GABRB1: variants seen among roughly 807,000 people sequenced by gnomAD.
The protein encoded by GABRB1 is gamma-aminobutyric acid type A receptor subunit beta1.
A neutral mutation model predicts 51.6 loss-of-function variants in GABRB1; 17 were observed. The ratio of observed to expected loss-of-function variants is 0.33; its 90% CI spans 0.23 to 0.49. The LOEUF (loss-of-function observed/expected upper bound fraction) is 0.49. GABRB1 is among the 20% of genes least tolerant of loss of function. GABRB1 has a pLI of 0.99. For synonymous variants in GABRB1, 247 were observed against 218.9 expected, an observed-to-expected ratio of 1.13 and a Z score of -1.14; for missense variants, 410 against 600.6, an observed-to-expected ratio of 0.68 and a Z score of 3.32.
chr4:47,051,616 C>A (rs1322961380), intron 3 of GABRB1, among the ~76,000 whole-genome samples: 2 of 152,012 alleles, frequency 1.3e-5, no homozygotes, highest in Non-Finnish European at 2.9e-5. Flanking sequence ...ACATCTGGGT[C>A]AGCATTGAGT....
chr4:47,297,620 C>T (rs2109932395), intron 4 of GABRB1, among the ~76,000 whole-genome samples: 2 of 152,262 alleles, frequency 1.3e-5, no homozygotes, highest in South Asian at 2.1e-4. Context: ...TAATCAATAG[C>T]TTACCAACCA....
chr4:47,167,873 G>A (rs1191042069), intron 4 of GABRB1, among the ~76,000 whole-genome samples: 2 of 152,110 alleles, frequency 1.3e-5, no homozygotes, highest in Admixed American at 1.3e-4. Flanking sequence ...GGATTGCTCA[G>A]CCTCCAGAAC....
At position 47,241,752 on chromosome 4, in the gene GABRB1, C is replaced by T. The variant is rs570994581; in HGVS notation, c.462-78375C>T. ...ACATTTGTTAATGTTTAACAAAGGT[C>T]TTGTTTTCTTTGATTATGCAGGGGA... On this transcript the variant is annotated intron_variant, in intron 4 of 8. Transcript: ENST00000295454. Among the ~76,000 whole-genome samples the T allele has an allele frequency of 1.2e-4, 19 of 152,188 alleles. No homozygotes were observed. The East Asian group carries it at 2.9e-3, about 23-fold the overall frequency.
At chr4:47,318,994 T>A (rs966841610) in intron 4 of GABRB1, among the ~76,000 whole-genome samples, 2 of 152,106 alleles carry the variant, frequency 1.3e-5, no homozygotes, top group Admixed American at 6.6e-5. Context: ...CTCAAGATAG[T>A]AGCCTACCAC....
At chr4:47,050,181 A>C (rs142771595) in intron 3 of GABRB1, among the ~76,000 whole-genome samples, 8 of 152,278 alleles carry the variant, frequency 5.3e-5, no homozygotes, top group Admixed American at 2.6e-4. Context: ...CTTTGCTTCA[A>C]AGGTGTTACT....
At chr4:47,364,223 T>C (rs1228962996) in intron 5 of GABRB1, among the ~76,000 whole-genome samples, 1 of 152,170 alleles carries the variant, frequency 6.6e-6, no homozygotes, top group Non-Finnish European at 1.5e-5. Context: ...GGAGATTCTC[T>C]CTCAGTTAAC....
At chr4:47,180,906 TA>T (rs950857986) in intron 4 of GABRB1, among the ~76,000 whole-genome samples, 12 of 152,032 alleles carry the variant, frequency 7.9e-5, no homozygotes, top group South Asian at 2.1e-4. Context: ...TTAACACTAA[TA>T]AAAAATGCAT....
upstream of GABRB1, among the ~76,000 whole-genome samples, chr4:47,029,812 T>A (rs920540649): frequency 2.0e-5 from 3 of 152,140 alleles, no homozygotes; most frequent in African/African-American, 7.2e-5. Context: ...CCTACTTCTC[T>A]TAAAATAGAG....
At chr4:47,087,704 G>A (rs192635635) in intron 3 of GABRB1, among the ~76,000 whole-genome samples, 240 of 152,206 alleles carry the variant, frequency 1.6e-3, no homozygotes, top group Middle Eastern at 6.8e-3. Context: ...GAAGTGTTTT[G>A]GAGAAACAGC....
At chr4:47,340,880 A>G (rs1027257897) in intron 5 of GABRB1, among the ~76,000 whole-genome samples, 1 of 152,192 alleles carries the variant, frequency 6.6e-6, no homozygotes, top group Non-Finnish European at 1.5e-5. Context: ...TAAGACAAGC[A>G]TGTCAGAGTT....
At chr4:47,322,381 C>G (rs971520781) in intron 5 of GABRB1, among the ~76,000 whole-genome samples, 2 of 152,112 alleles carry the variant, frequency 1.3e-5, no homozygotes, top group Non-Finnish European at 2.9e-5. Flanking sequence ...AGATACTTAC[C>G]TAAAACAAAG....
intron 5 of GABRB1, among the ~76,000 whole-genome samples, chr4:47,355,095 C>A (rs1395345200): frequency 6.8e-6 from 1 of 147,442 alleles, no homozygotes; most frequent in Admixed American, 7.0e-5. Flanking sequence ...AAGTGATCCT[C>A]CTGCCTCAGC....
intron 3 of GABRB1, chr4:47,043,202 T>G (rs1398407065): frequency 6.6e-6 from 1 of 152,058 alleles, no homozygotes; most frequent in Non-Finnish European, 1.5e-5. Flanking sequence ...AACTTCTGTC[T>G]TCATGTGGGG....
At chr4:47,177,631 G>A (rs1223566320) in intron 4 of GABRB1, among the ~76,000 whole-genome samples, 1 of 151,878 alleles carries the variant, frequency 6.6e-6, no homozygotes, top group Non-Finnish European at 1.5e-5. Context: ...TAGGTAACCT[G>A]GTAAAAAAGA....
intron 4 of GABRB1, among the ~76,000 whole-genome samples, chr4:47,249,480 T>A (rs1230365283): frequency 3.3e-5 from 5 of 152,132 alleles, no homozygotes; most frequent in Non-Finnish European, 7.4e-5. Context: ...GAATGTGTAT[T>A]CTGCAGTTGT....
chr4:47,222,983 GAC>G (rs537352591), intron 4 of GABRB1, among the ~76,000 whole-genome samples: 5 of 151,984 alleles, frequency 3.3e-5, no homozygotes, highest in South Asian at 2.1e-4. Context: ...AATATTAAAT[GAC>G]ACCTTGCCAT....
chr4:47,395,497 C>T lies in GABRB1; in HGVS notation c.545-7821C>T, dbSNP rs1288440207. On this transcript the variant is annotated intron_variant, in intron 5 of 8. Coordinates refer to ENST00000295454, the MANE Select transcript of GABRB1 (RefSeq NM_000812.4). ...CCTCCCACACGTGGTGATTACAATT[C>T]GAGATGAGATTTGGGTGGAGACACA... Among the ~76,000 whole-genome samples the T allele has an allele frequency of 4.6e-5, 7 of 152,144 alleles. No individual in the cohort carries two copies. In the South Asian group the frequency reaches 1.2e-3, roughly 27 times the overall value.
chr4:47,054,639 T>A (rs1726509986), intron 3 of GABRB1, among the ~76,000 whole-genome samples: 1 of 151,960 alleles, frequency 6.6e-6, no homozygotes. Flanking sequence ...TGGAGTGCAG[T>A]GGCATGGTCT....
At chr4:47,041,537 T>G (rs1725837951) in intron 3 of GABRB1, among the ~76,000 whole-genome samples, 1 of 152,046 alleles carries the variant, frequency 6.6e-6, no homozygotes. Flanking sequence ...CCTTGACTCT[T>G]GTTGCTAAAT....
Sources: allele counts gnomAD v4.1 joint callset (sites outside exome capture counted in the v4.1 genomes callset), GRCh38; gene constraint gnomAD v4.1.1; transcripts MANE v1.5; gene names NCBI Gene and HGNC (gene_info 2026-07-23, HGNC 2026-07-21).